DNAH10: variants seen among roughly 807,000 people sequenced by gnomAD.
The protein encoded by DNAH10 is dynein axonemal heavy chain 10.
In DNAH10, 348 loss-of-function variants were observed where a neutral mutation model predicts 506.6. The observed-to-expected ratio is 0.69, with a 90% confidence interval of 0.63 to 0.75. DNAH10 has a LOEUF of 0.75. Among genes scored for constraint, DNAH10 ranks in the 30% least tolerant of loss-of-function variants. The probability of loss-of-function intolerance (pLI) is 0.00; values close to 1 mark genes in which losing one functional copy is unlikely to be tolerated. For synonymous variants in DNAH10, 2,059 were observed against 2,198.6 expected, an observed-to-expected ratio of 0.94 and a Z score of 1.78; for missense variants, 5,179 against 5,787.1, an observed-to-expected ratio of 0.89 and a Z score of 3.41.
At chr12:123,898,954 T>A in intron 56 of DNAH10, 140 bp downstream of exon 56, 1 of 1,287,028 alleles carries the variant, frequency 7.8e-7, no homozygotes, top group Non-Finnish European at 1.0e-6. Flanking sequence ...TTGTAGGCAC[T>A]GAGCGTGCCA....
At chr12:123,868,967 C>T (rs1951919005) in intron 43 of DNAH10, among the ~76,000 whole-genome samples, 1 of 152,244 alleles carries the variant, frequency 6.6e-6, no homozygotes, top group Admixed American at 6.5e-5. Context: ...CTGCAATTCC[C>T]TCACTCGGAG....
chr12:123,842,371 T>C (rs1198795130), intron 30 of DNAH10, among the ~76,000 whole-genome samples: 1 of 152,274 alleles, frequency 6.6e-6, no homozygotes. Context: ...TGCCTGCTCC[T>C]AGCAGCTGAG....
Position 123,903,512 on chromosome 12 carries a change from G to A in DNAH10, c.9815+399G>A, listed in dbSNP as rs778252980. ...CTCTGCAGAGATGTGTGCACACCACGGCCGGACTGGCGATGCCTGAATCCA... is the reference window on the plus strand; with the variant it reads ...CTCTGCAGAGATGTGTGCACACCACAGCCGGACTGGCGATGCCTGAATCCA... On this transcript the variant is annotated intron_variant, in intron 57 of 78. Coordinates refer to ENST00000673944, the MANE Select transcript of DNAH10 (RefSeq NM_001372106.1). This position sits in a 1 kb window ranked among gnomAD's most constrained non-coding sequence, Gnocchi z 4.6. Among the ~76,000 whole-genome samples, 5 of 152,334 alleles carry A rather than the reference G, an allele frequency of 3.3e-5. No homozygotes were observed. The highest frequency in any genetic ancestry group is 1.2e-4 in the African/African-American group (5 of 41,582).
intron 5 of DNAH10, among the ~76,000 whole-genome samples, chr12:123,779,136 C>T (rs763154487): frequency 2.6e-5 from 4 of 152,078 alleles, no homozygotes; most frequent in Admixed American, 2.6e-4. Flanking sequence ...ATCTCCTGAC[C>T]TCGCGATTCA....
chr12:123,876,516 C>T (rs1952261451), intron 47 of DNAH10, among the ~76,000 whole-genome samples: 1 of 152,006 alleles, frequency 6.6e-6, no homozygotes, highest in African/African-American at 2.4e-5. Context: ...ACCTGTAGTC[C>T]CAGCTACTTG....
At chr12:123,894,505 G>A (rs374001117) in intron 53 of DNAH10, 138 bp from the exon 54 acceptor site, 79 of 675,276 alleles carry the variant, frequency 1.2e-4, no homozygotes, top group East Asian at 7.9e-4. Flanking sequence ...TGATCCACCC[G>A]CCTTGGCCTC....
At chr12:123,933,536 A>G (rs1955319017) in intron 77 of DNAH10, 25 bp downstream of exon 77, 2 of 1,557,260 alleles carry the variant, frequency 1.3e-6, no homozygotes, top group African/African-American at 1.4e-5. Context: ...TTAGGGATCC[A>G]CAGCCTCTCA....
In DNAH10 at chr12:123,813,459, C is replaced by T. The variant is rs527953454; in HGVS notation, c.3440C>T (p.Ser1147Phe). 7 of 1,614,168 alleles carry T rather than the reference C, an allele frequency of 4.3e-6. No individual in the cohort carries two copies. The African/African-American group carries it at 8.0e-5, about 18-fold the overall frequency. The change falls in exon 20 of 79, where the codon TCC becomes TTC. Residue 1147 changes from serine to phenylalanine, a missense_variant. Around this residue, in one of 3 missense-constraint regions of DNAH10, gnomAD observed 4,844 missense variants for 5,430.5 expected, o/e 0.89. Coordinates refer to ENST00000673944, the MANE Select transcript of DNAH10 (RefSeq NM_001372106.1). ...TATGATGAAAAGTTGCAGTTCTATT[C>T]CAAGATAGCTTATGAGGTTATGCGC... ...VAYDEKLQFY[S>F]KIAYEVMRHP...
In DNAH10 at chr12:123,853,092, C is replaced by A; in HGVS notation, c.6292-114C>A. ...AGATGGAATTTGCTTATTTGTAGAG[C>A]AGCTGCACTGGAACACCTGCCCCCG... is the stretch of plus-strand genomic sequence containing the variant. On this transcript the variant is annotated intron_variant, in intron 35 of 78. Transcript: ENST00000673944. The surrounding 1 kb of genome is among the most constrained non-coding windows in gnomAD (Gnocchi z 4.7). 8.7e-7 allele frequency: 1 copy of A among 1,145,636 alleles called. No individual in the cohort carries two copies. The highest frequency in any genetic ancestry group is 1.5e-5 in the African/African-American group (1 of 64,730). The allele number at this position is 1,145,636 out of a possible 1,614,324, so 71.0% of individuals were successfully genotyped here.
intron 6 of DNAH10, among the ~76,000 whole-genome samples, chr12:123,781,725 C>T (rs1957659420): frequency 6.6e-6 from 1 of 152,186 alleles, no homozygotes; most frequent in African/African-American, 2.4e-5. Context: ...CTTGGCCTCT[C>T]AGAGTGCTGG....
chr12:123,857,297 C>T, intron 37 of DNAH10, 50 bp downstream of exon 37: 1 of 1,448,530 alleles, frequency 6.9e-7, no homozygotes, highest in Non-Finnish European at 9.2e-7. Context: ...TTTCCATTGG[C>T]TTTTTGTTTT....
At position 123,862,283 on chromosome 12, in the gene DNAH10, A is replaced by G. The variant is rs771095858; in HGVS notation, c.6908+1113A>G. 5.9e-5 allele frequency among the ~76,000 whole-genome samples: 9 copies of G among 152,128 alleles called. No homozygotes were observed. In the South Asian group the frequency reaches 6.2e-4, roughly 11 times the overall value. ...CATCCAACCTTCACCCATTCACCCA[A>G]TGGTTTGGAGCATCTGTTGATGGTT... On this transcript the variant is annotated intron_variant, in intron 39 of 78. Transcript: ENST00000673944.
At position 123,928,609 on chromosome 12, in the gene DNAH10, C is replaced by A; in HGVS notation, c.12306+22C>A. The A allele has an allele frequency of 6.3e-7, 1 of 1,575,656 alleles. No individual in the cohort carries two copies. Among genetic ancestry groups the A allele is most frequent in the South Asian group, 1.2e-5 (1 of 86,074 alleles). On this transcript the variant is annotated intron_variant, in intron 70 of 78. Coordinates refer to ENST00000673944, the MANE Select transcript of DNAH10 (RefSeq NM_001372106.1). The surrounding 1 kb of genome is among the most constrained non-coding windows in gnomAD (Gnocchi z 4.9). ...AAAGGTCTGGCTTCAGGATGGACAT[C>A]AACATGCCAGCACGCAGCTTCTCAG...
intron 25 of DNAH10, among the ~76,000 whole-genome samples, chr12:123,828,211 G>C (rs928658708): frequency 6.6e-6 from 1 of 151,580 alleles, no homozygotes; most frequent in Non-Finnish European, 1.5e-5. Flanking sequence ...CAAAACAGTC[G>C]CCTGTCTCTG....
chr12:123,849,403 C>G (rs2136700395), intron 34 of DNAH10, among the ~76,000 whole-genome samples: 1 of 152,324 alleles, frequency 6.6e-6, no homozygotes, highest in African/African-American at 2.4e-5. Flanking sequence ...TGTTTGCAGA[C>G]TTGAGTTTGA....
chr12:123,838,792 C>T (rs1950661587), intron 29 of DNAH10, 103 bp downstream of exon 29: 7 of 1,059,348 alleles, frequency 6.6e-6, no homozygotes, highest in Middle Eastern at 2.5e-4. Context: ...AGGGTTAAGA[C>T]TGAAATGCTG....
chr12:123,927,706 C>G (rs1388086525), intron 69 of DNAH10: 9 of 152,458 alleles, frequency 5.9e-5, no homozygotes, highest in Admixed American at 5.9e-4. Context: ...AGCTGACTGC[C>G]AGTCCTGGCT....
intron 32 of DNAH10, among the ~76,000 whole-genome samples, chr12:123,847,356 A>G (rs1300292133): frequency 7.0e-6 from 1 of 143,006 alleles, no homozygotes; most frequent in Non-Finnish European, 1.6e-5. Context: ...ATCTATCTGG[A>G]TATTTAGGAG....
At chr12:123,810,314 G>A (rs1307083906) in intron 19 of DNAH10, among the ~76,000 whole-genome samples, 2 of 152,190 alleles carry the variant, frequency 1.3e-5, no homozygotes, top group East Asian at 3.8e-4. Context: ...AGTCAGACAT[G>A]TTTCCGGCAT....
Sources: allele counts gnomAD v4.1 joint callset (sites outside exome capture counted in the v4.1 genomes callset), GRCh38; gene constraint gnomAD v4.1.1; regional missense constraint gnomAD v4.1.1; non-coding constraint Gnocchi (gnomAD v3.1); transcripts MANE v1.5; gene names NCBI Gene and HGNC (gene_info 2026-07-23, HGNC 2026-07-21).